Variants in PACRG observed in about 807,000 individuals in gnomAD.
The protein encoded by PACRG is parkin coregulated.
Under a neutral mutation model 29.7 loss-of-function variants are expected in PACRG, and 29 were observed. That is an observed-to-expected ratio of 0.98 (90% confidence interval 0.73 to 1.33). PACRG has a LOEUF of 1.33. PACRG is among the 40% of genes most tolerant of loss of function. PACRG has a pLI of 0.00. For missense variants in PACRG, 279 were observed against 316.2 expected (o/e 0.88, Z 0.89); for synonymous variants, 116 against 118.7 (o/e 0.98, Z 0.15).
At chr6:163,314,783 T>C (rs370877527) in intron 4 of PACRG, 44 bp from the exon 5 acceptor site, 3 of 1,596,334 alleles carry the variant, frequency 1.9e-6, no homozygotes. Context: ...TTTCGGGAAA[T>C]TGCAGAGAAG....
chr6:163,121,922 A>G (rs1271898921), intron 4 of PACRG, among the ~76,000 whole-genome samples: 1 of 151,766 alleles, frequency 6.6e-6, no homozygotes, highest in Non-Finnish European at 1.5e-5. Context: ...TCGGCCTCCC[A>G]AAGTGCTGGG....
At chr6:162,949,790 C>T (rs1325732951) in intron 2 of PACRG, among the ~76,000 whole-genome samples, 1 of 152,140 alleles carries the variant, frequency 6.6e-6, no homozygotes, top group Non-Finnish European at 1.5e-5. Context: ...TTCTCTTACT[C>T]CTAGGGCCCA....
intron 2 of PACRG, among the ~76,000 whole-genome samples, chr6:163,019,301 C>T (rs1213127127): frequency 6.6e-6 from 1 of 152,152 alleles, no homozygotes; most frequent in Non-Finnish European, 1.5e-5. Context: ...CCAGAGCCTC[C>T]TCTTCTATTG....
At chr6:162,903,400 C>T (rs1437042562) in intron 2 of PACRG, among the ~76,000 whole-genome samples, 3 of 152,096 alleles carry the variant, frequency 2.0e-5, no homozygotes, top group Non-Finnish European at 4.4e-5. Context: ...TATACATACC[C>T]AAGACTGGGT....
intron 4 of PACRG, among the ~76,000 whole-genome samples, chr6:163,118,617 CAG>C (rs1051283593): frequency 2.0e-5 from 3 of 152,170 alleles, no homozygotes; most frequent in African/African-American, 7.2e-5. Flanking sequence ...TTTAAAAATT[CAG>C]AGAGTGTCAT....
intron 4 of PACRG, among the ~76,000 whole-genome samples, chr6:163,167,330 C>T (rs1218656578): frequency 7.9e-5 from 12 of 152,100 alleles, no homozygotes; most frequent in African/African-American, 2.4e-4. Flanking sequence ...GTAAATTTTT[C>T]GGAGGGCAGT....
At chr6:162,875,219 A>G (rs1400708323) in intron 2 of PACRG, among the ~76,000 whole-genome samples, 2 of 151,884 alleles carry the variant, frequency 1.3e-5, no homozygotes, top group African/African-American at 4.8e-5. Context: ...ACACACACAC[A>G]TGCACACACA....
intron 4 of PACRG, among the ~76,000 whole-genome samples, chr6:163,282,076 G>T (rs7770851): frequency 0.39 from 59,677 of 151,718 alleles, 11,920 homozygotes; most frequent in African/African-American, 0.44. Flanking sequence ...TGAAAAAAAG[G>T]GCAATTTTCT....
chr6:162,938,174 T>A (rs1282376232), intron 2 of PACRG, among the ~76,000 whole-genome samples: 1 of 152,230 alleles, frequency 6.6e-6, no homozygotes, highest in Non-Finnish European at 1.5e-5. Context: ...CCTGAGTTAC[T>A]TCACATAGAA....
At chr6:163,019,226 T>A (rs904192469) in intron 2 of PACRG, among the ~76,000 whole-genome samples, 9 of 152,300 alleles carry the variant, frequency 5.9e-5, no homozygotes, top group Middle Eastern at 3.4e-3. Context: ...GACAACACTC[T>A]TTTTCTATCT....
chr6:163,246,943 G>A (rs993416896), intron 4 of PACRG, among the ~76,000 whole-genome samples: 9 of 152,200 alleles, frequency 5.9e-5, no homozygotes, highest in African/African-American at 1.9e-4. Context: ...CTAAGTGAAG[G>A]TCACACAGTA....
intron 4 of PACRG, among the ~76,000 whole-genome samples, chr6:163,249,767 C>T (rs891302726): frequency 3.9e-5 from 6 of 152,172 alleles, no homozygotes; most frequent in African/African-American, 1.2e-4. Flanking sequence ...CACCCGGCTC[C>T]GTGGTGACCG....
At chr6:162,803,441 A>G (rs1307382462) in intron 1 of PACRG, among the ~76,000 whole-genome samples, 1 of 152,182 alleles carries the variant, frequency 6.6e-6, no homozygotes, top group Non-Finnish European at 1.5e-5. Flanking sequence ...GATGAGAGAT[A>G]TGATTTAATT....
chr6:162,823,574 C>CA (rs1458004613), intron 2 of PACRG, among the ~76,000 whole-genome samples: 1 of 150,642 alleles, frequency 6.6e-6, no homozygotes, highest in African/African-American at 2.4e-5. Flanking sequence ...TGCAGTGGTG[C>CA]AATCTCGGCT....
At position 163,125,614 on chromosome 6, in the gene PACRG, G is replaced by A. The variant is rs1445313094; in HGVS notation, c.613+36206G>A. Among the ~76,000 whole-genome samples the A allele has an allele frequency of 2.0e-5, 3 of 152,130 alleles. No homozygotes were observed. The South Asian group carries it at 6.2e-4, about 32-fold the overall frequency. On this transcript the variant is annotated intron_variant, in intron 4 of 4. Transcript: ENST00000366888. Reference sequence around the variant, plus strand: ...GAAAAGAAGCATAGTCAAAAACAATGAAGAAATGAGCTACCTCATTAACAG... The same window carrying A: ...GAAAAGAAGCATAGTCAAAAACAATAAAGAAATGAGCTACCTCATTAACAG...
At chr6:162,755,522 G>C (rs371079859) in intron 1 of PACRG, among the ~76,000 whole-genome samples, 5 of 152,028 alleles carry the variant, frequency 3.3e-5, no homozygotes, top group African/African-American at 2.4e-5. Flanking sequence ...TGCAACCTCT[G>C]CCTCCCTGGT....
intron 2 of PACRG, among the ~76,000 whole-genome samples, chr6:162,831,362 G>T (rs1788758112): frequency 6.6e-6 from 1 of 152,176 alleles, no homozygotes; most frequent in African/African-American, 2.4e-5. Flanking sequence ...GCCAGACATT[G>T]ATTAGATGCT....
chr6:162,875,285 A>T (rs774238316), intron 2 of PACRG, among the ~76,000 whole-genome samples: 2 of 147,842 alleles, frequency 1.4e-5, no homozygotes, highest in African/African-American at 2.6e-5. Flanking sequence ...ACACACATTC[A>T]CACACACACA....
intron 3 of PACRG, among the ~76,000 whole-genome samples, chr6:163,085,342 A>G (rs1813458883): frequency 6.6e-6 from 1 of 152,096 alleles, no homozygotes; most frequent in South Asian, 2.1e-4. Context: ...GTGGGATGGG[A>G]AGGAGAGATG....
Sources: allele counts gnomAD v4.1 joint callset (sites outside exome capture counted in the v4.1 genomes callset), GRCh38; gene constraint gnomAD v4.1.1; transcripts MANE v1.5; gene names NCBI Gene and HGNC (gene_info 2026-07-23, HGNC 2026-07-21).